Variants in RECQL observed in about 807,000 individuals in gnomAD.
RECQL encodes ATP-dependent DNA helicase Q1.
In RECQL, 73 loss-of-function variants were observed where a neutral mutation model predicts 75.8. The observed-to-expected ratio is 0.96, with a 90% CI of 0.80 to 1.17. The LOEUF (loss-of-function observed/expected upper bound fraction) is 1.17. Among genes scored for constraint, RECQL ranks in the 50% most tolerant of loss-of-function variants. The pLI, the probability that RECQL is intolerant of heterozygous loss-of-function variation, is 0.00. For synonymous variants in RECQL, 248 were observed against 254.4 expected (o/e 0.97, Z 0.24); for missense variants, 699 against 772.1 (o/e 0.91, Z 1.12).
intron 12 of RECQL, among the ~76,000 whole-genome samples, chr12:21,471,865 GAT>G (rs1480980849): frequency 5.9e-5 from 9 of 151,984 alleles, no homozygotes; most frequent in Non-Finnish European, 1.0e-4. Context: ...GGTTTACAGT[GAT>G]ATATATAAAA....
Sources: gnomAD v4.1 joint callset for allele counts (sites outside exome capture counted in the v4.1 genomes callset) on GRCh38, gnomAD v4.1.1 for gene constraint, MANE v1.5 for transcripts, NCBI Gene and HGNC (gene_info 2026-07-23, HGNC 2026-07-21) for gene names.